The following MAST4 variants were observed in gnomAD, a reference collection of about 807,000 sequenced individuals.
MAST4 encodes microtubule associated serine/threonine kinase family member 4, also known as microtubule-associated serine/threonine-protein kinase 4.
A neutral mutation model predicts 162.7 loss-of-function variants in MAST4; 89 were observed. The observed-to-expected ratio is 0.55, with a 90% CI of 0.46 to 0.65. MAST4 has a LOEUF of 0.65. Ranked by LOEUF, MAST4 falls within the 30% of genes least tolerant of loss-of-function variation. The pLI, the probability that MAST4 is intolerant of heterozygous loss-of-function variation, is 0.00. For missense variants in MAST4, 3,153 were observed against 3,374.0 expected (o/e 0.93, Z 1.62); for synonymous variants, 1,479 against 1,361.1 (o/e 1.09, Z -1.91).
rs78404473 is a variant in MAST4, at chr5:67,036,649, A to G, written c.675-17755A>G. Among the ~76,000 whole-genome samples the G allele has an allele frequency of 3.3e-3, 501 of 152,320 alleles. 3 individuals carry two copies. Among genetic ancestry groups the G allele is most frequent in the African/African-American group, 0.012 (483 of 41,572 alleles). On this transcript the variant is annotated intron_variant, in intron 4 of 28. Transcript: ENST00000403625. ...GTTCCTATAACACCTAATGTGATGTAAATACTGTGTAAATAGATCTTATAC... is the reference window on the plus strand; with the variant it reads ...GTTCCTATAACACCTAATGTGATGTGAATACTGTGTAAATAGATCTTATAC...
At chr5:66,998,693 G>C (rs1404539603) in intron 4 of MAST4, among the ~76,000 whole-genome samples, 2 of 151,468 alleles carry the variant, frequency 1.3e-5, no homozygotes, top group Non-Finnish European at 2.9e-5. Context: ...TTTCTCTATT[G>C]TTCCCTTTCT....
intron 4 of MAST4, among the ~76,000 whole-genome samples, chr5:66,936,260 A>T (rs1369740553): frequency 6.6e-6 from 1 of 152,194 alleles, no homozygotes; most frequent in Non-Finnish European, 1.5e-5. Flanking sequence ...TGGCTTTTCC[A>T]TGTAATAGTT....
At chr5:66,619,855 A>T (rs1222909112) in intron 1 of MAST4, among the ~76,000 whole-genome samples, 1 of 151,834 alleles carries the variant, frequency 6.6e-6, no homozygotes, top group Non-Finnish European at 1.5e-5. Flanking sequence ...TAGATTTGTA[A>T]ATTCTTACCA....
At chr5:66,609,409 T>TTTTTTTTTA (rs1743127858) in intron 1 of MAST4, among the ~76,000 whole-genome samples, 1 of 150,568 alleles carries the variant, frequency 6.6e-6, no homozygotes, top group African/African-American at 2.4e-5. Flanking sequence ...TTTTTTTTTT[T>TTTTTTTTTA]GAGACAGCCT....
chr5:66,860,355 C>A (rs1760008770), intron 3 of MAST4, among the ~76,000 whole-genome samples: 1 of 152,100 alleles, frequency 6.6e-6, no homozygotes, highest in Admixed American at 6.5e-5. Context: ...TTTTAGAGAG[C>A]AAATTATTGC....
At chr5:66,722,085 G>A (rs541776046) in intron 1 of MAST4, among the ~76,000 whole-genome samples, 1 of 152,152 alleles carries the variant, frequency 6.6e-6, no homozygotes, top group Admixed American at 6.5e-5. Context: ...CATGGTGTAT[G>A]CTCAACAGAG....
chr5:66,861,749 G>A (rs1025909569), intron 3 of MAST4, among the ~76,000 whole-genome samples: 8 of 152,186 alleles, frequency 5.3e-5, no homozygotes, highest in Non-Finnish European at 8.8e-5. Flanking sequence ...CATGTCTTCT[G>A]AGCCTCAGGG....
At chr5:67,104,144 T>C (rs1474911515) in intron 9 of MAST4, among the ~76,000 whole-genome samples, 1 of 152,244 alleles carries the variant, frequency 6.6e-6, no homozygotes, top group African/African-American at 2.4e-5. Context: ...TTAGGGTTCA[T>C]TCAGCCTTTG....
intron 5 of MAST4, among the ~76,000 whole-genome samples, chr5:67,061,158 CTG>C (rs10538886): frequency 0.15 from 22,811 of 151,134 alleles, 1,813 homozygotes; most frequent in African/African-American, 0.2. Flanking sequence ...TGTATGTACT[CTG>C]TGTGTGTGTG....
At chr5:66,714,668 C>G (rs898283247) in intron 1 of MAST4, among the ~76,000 whole-genome samples, 1 of 152,238 alleles carries the variant, frequency 6.6e-6, no homozygotes, top group Non-Finnish European at 1.5e-5. Flanking sequence ...ATACCTACAA[C>G]TTTCTTCCAT....
At chr5:67,105,970 C>T (rs576344953) in intron 10 of MAST4, among the ~76,000 whole-genome samples, 5 of 152,266 alleles carry the variant, frequency 3.3e-5, no homozygotes, top group African/African-American at 1.2e-4. Flanking sequence ...CACTGACATC[C>T]TCCTTATTGT....
chr5:67,085,822 A>G (rs1260631594), intron 5 of MAST4, among the ~76,000 whole-genome samples: 1 of 152,182 alleles, frequency 6.6e-6, no homozygotes, highest in Admixed American at 6.5e-5. Context: ...GGAGATTCCT[A>G]GCTCTCTTCA....
intron 1 of MAST4, among the ~76,000 whole-genome samples, chr5:66,678,884 TG>T (rs1748138268): frequency 6.6e-6 from 1 of 151,968 alleles, no homozygotes; most frequent in Non-Finnish European, 1.5e-5. Flanking sequence ...CTCCGCCTCC[TG>T]GGTTTAAGCA....
chr5:66,734,766 T>TG (rs1752062844), intron 1 of MAST4, among the ~76,000 whole-genome samples: 1 of 152,230 alleles, frequency 6.6e-6, no homozygotes, highest in Admixed American at 6.5e-5. Context: ...TAGCCACATG[T>TG]GGTTGGTGGC....
chr5:67,165,521 T>C lies in MAST4; in HGVS notation c.6342T>C (p.Asp2114=). The C allele has an allele frequency of 6.2e-7, 1 of 1,613,996 alleles. No homozygotes were observed. The highest frequency in any genetic ancestry group is 1.3e-5 in the African/African-American group (1 of 75,054). Residue 2114 remains aspartate, a synonymous_variant, in exon 29 of 29, where the codon GAT becomes GAC. Coordinates refer to ENST00000403625, the MANE Select transcript of MAST4 (RefSeq NM_001164664.2). ...KLSSFPSLQK[D]GAKEPERKEQ... is the part of the protein sequence containing the mutation. ...CCAGTTTCCCATCTTTGCAGAAAGA[T>C]GGTGCCAAGGAACCTGAAAGGAAGG...
intron 4 of MAST4, among the ~76,000 whole-genome samples, chr5:66,955,213 G>GA (rs59269171): frequency 0.077 from 9,330 of 121,160 alleles, 383 homozygotes; most frequent in Middle Eastern, 0.12. Flanking sequence ...CCTTGTCTCA[G>GA]AAAAAAAAAA....
intron 4 of MAST4, among the ~76,000 whole-genome samples, chr5:66,964,530 G>T (rs891786892): frequency 3.9e-5 from 6 of 152,166 alleles, no homozygotes; most frequent in Non-Finnish European, 7.3e-5. Context: ...GGCTGGGCAC[G>T]GTGGCTCATG....
intron 3 of MAST4, chr5:66,828,985 T>C: frequency 1.1e-6 from 1 of 923,026 alleles, no homozygotes; most frequent in Non-Finnish European, 1.7e-6. Flanking sequence ...AATATGTGCA[T>C]AATTCTTAGT....
intron 1 of MAST4, among the ~76,000 whole-genome samples, chr5:66,709,518 T>C (rs1750357615): frequency 7.2e-6 from 1 of 139,504 alleles, no homozygotes; most frequent in African/African-American, 2.8e-5. Flanking sequence ...AGTCTTGCTA[T>C]GTTGTCCAGG....
Sources: allele counts gnomAD v4.1 joint callset (sites outside exome capture counted in the v4.1 genomes callset), GRCh38; gene constraint gnomAD v4.1.1; transcripts MANE v1.5; gene names NCBI Gene and HGNC (gene_info 2026-07-23, HGNC 2026-07-21).